Variants in JARID2 observed in about 807,000 individuals in gnomAD.
JARID2 encodes the protein protein Jumonji.
In JARID2, 21 loss-of-function variants were observed where a neutral mutation model predicts 125.6. That is an observed-to-expected ratio of 0.17 (90% confidence interval 0.12 to 0.24). The LOEUF (loss-of-function observed/expected upper bound fraction) is 0.24. Among genes scored for constraint, JARID2 ranks in the 10% least tolerant of loss-of-function variants. JARID2 has a pLI of 1.00. For missense variants in JARID2, 1,303 were observed against 1,639.6 expected (o/e 0.79, Z 3.55); for synonymous variants, 736 against 661.6 (o/e 1.11, Z -1.73).
intron 1 of JARID2, among the ~76,000 whole-genome samples, chr6:15,314,464 TAAACGGC>T (rs1762115434): frequency 6.6e-6 from 1 of 152,228 alleles, no homozygotes; most frequent in African/African-American, 2.4e-5. Flanking sequence ...GAATAATAAG[TAAACGGC>T]ATTTTGAAAG....
At chr6:15,277,791 AAAAC>A (rs1477458647) in intron 1 of JARID2, among the ~76,000 whole-genome samples, 102 of 144,746 alleles carry the variant, frequency 7.0e-4, no homozygotes, top group South Asian at 1.6e-3. Flanking sequence ...AAAAAAAAAA[AAAAC>A]AGTCAAGGAT....
intron 1 of JARID2, among the ~76,000 whole-genome samples, chr6:15,283,110 C>T (rs1391881538): frequency 3.3e-5 from 5 of 151,746 alleles, no homozygotes; most frequent in Non-Finnish European, 5.9e-5. Flanking sequence ...TCCCGAGTAG[C>T]TGGGACTACA....
intron 16 of JARID2, among the ~76,000 whole-genome samples, chr6:15,515,963 A>G (rs544290519): frequency 6.7e-6 from 1 of 149,660 alleles, no homozygotes; most frequent in East Asian, 2.0e-4. Flanking sequence ...AGATCGCGCC[A>G]TCGCCCAGGT....
At chr6:15,476,342 C>T (rs543908875) in intron 5 of JARID2, among the ~76,000 whole-genome samples, 19 of 152,240 alleles carry the variant, frequency 1.2e-4, no homozygotes, top group South Asian at 1.0e-3. Context: ...GTCATGGAGC[C>T]GGGACCTCTG....
Position 15,320,852 on chromosome 6 carries a change from C to CTGTGTGTGTGTGTGTG in JARID2, c.46-53249_46-53234dup, listed in dbSNP as rs71944757. Among the ~76,000 whole-genome samples the CTGTGTGTGTGTGTGTG allele has an allele frequency of 2.0e-3, 290 of 145,404 alleles. 1 individual carries two copies. Among genetic ancestry groups the CTGTGTGTGTGTGTGTG allele is most frequent in the African/African-American group, 5.5e-3 (218 of 39,334 alleles). On this transcript the variant is annotated intron_variant, in intron 1 of 17. Transcript: ENST00000341776. Reference sequence around the variant, plus strand: ...AATATGATTCATTCTCTCTCTCTCTCTGTGTGTGTGTGTGTGTGTGTGTGT... The same window carrying CTGTGTGTGTGTGTGTG: ...AATATGATTCATTCTCTCTCTCTCTCTGTGTGTGTGTGTGTGTGTGTGTGTGTGTGTGTGTGTGTGT...
chr6:15,265,924 A>G (rs1760067147), intron 1 of JARID2, among the ~76,000 whole-genome samples: 1 of 152,064 alleles, frequency 6.6e-6, no homozygotes, highest in African/African-American at 2.4e-5. Flanking sequence ...CTGGTCTGTT[A>G]CGGTTTTGAA....
intron 6 of JARID2, among the ~76,000 whole-genome samples, chr6:15,490,561 T>G (rs1353152783): frequency 6.6e-6 from 1 of 152,246 alleles, no homozygotes; most frequent in Non-Finnish European, 1.5e-5. Context: ...GGCCGTTTAC[T>G]CTCGATTATA....
intron 3 of JARID2, among the ~76,000 whole-genome samples, chr6:15,419,881 T>C (rs1350016449): frequency 6.6e-6 from 1 of 152,230 alleles, no homozygotes; most frequent in East Asian, 1.9e-4. Context: ...TTGAGTGTAT[T>C]AGGTTTGTAG....
At chr6:15,364,375 A>G (rs1478632109) in intron 1 of JARID2, among the ~76,000 whole-genome samples, 1 of 152,220 alleles carries the variant, frequency 6.6e-6, no homozygotes, top group Non-Finnish European at 1.5e-5. Context: ...TCTGGCCTCA[A>G]TCCCGGAGGC....
At chr6:15,508,261 A>G in intron 11 of JARID2, 79 bp from the exon 12 acceptor site, 2 of 760,396 alleles carry the variant, frequency 2.6e-6, no homozygotes, top group Non-Finnish European at 4.8e-6. Context: ...TAGCGGAAGA[A>G]AGAGATTTTT....
At chr6:15,349,718 A>T (rs557044102) in intron 1 of JARID2, among the ~76,000 whole-genome samples, 3 of 152,260 alleles carry the variant, frequency 2.0e-5, no homozygotes, top group Non-Finnish European at 4.4e-5. Flanking sequence ...ACCACCCCTT[A>T]CGCTAGTGCT....
At position 15,496,749 on chromosome 6, in the gene JARID2, G is replaced by A. The variant is rs372588522; in HGVS notation, c.1524G>A (p.Thr508=). ...RPKRATAGKS[T]PGRQAHGKAD... is the part of the protein sequence containing the mutation. The stretch of plus-strand genomic sequence containing the variant: ...AGCGGGCCACGGCCGGGAAGAGCAC[G>A]CCAGGCAGACAAGCACATGGCAAGG... The change falls in exon 7 of 18, where the codon ACG becomes ACA. Residue 508 remains threonine, a synonymous_variant. Coordinates refer to ENST00000341776, the MANE Select transcript of JARID2 (RefSeq NM_004973.4). 30 of 1,613,522 alleles carry A rather than the reference G, an allele frequency of 1.9e-5. No individual in the cohort carries two copies. In the Middle Eastern group the frequency reaches 4.9e-4, roughly 27 times the overall value.
chr6:15,416,151 C>T (rs1281555682), intron 3 of JARID2, among the ~76,000 whole-genome samples: 3 of 151,712 alleles, frequency 2.0e-5, no homozygotes, highest in South Asian at 2.1e-4. Context: ...AGAGGCGCTC[C>T]TCACTTCCTA....
chr6:15,284,275 T>C (rs1760908091), intron 1 of JARID2, among the ~76,000 whole-genome samples: 1 of 152,232 alleles, frequency 6.6e-6, no homozygotes, highest in South Asian at 2.1e-4. Flanking sequence ...TGATTTCTTC[T>C]TTCAGCCACA....
At chr6:15,507,668 T>G (rs1443631722) in intron 11 of JARID2, among the ~76,000 whole-genome samples, 2 of 152,188 alleles carry the variant, frequency 1.3e-5, no homozygotes, top group Admixed American at 1.3e-4. Context: ...GGGCCAACTT[T>G]GAACCTTGAA....
chr6:15,396,739 C>T (rs1008887234), intron 2 of JARID2, among the ~76,000 whole-genome samples: 1 of 152,174 alleles, frequency 6.6e-6, no homozygotes, highest in Non-Finnish European at 1.5e-5. Context: ...TTAATATTCT[C>T]AGACCTTGGT....
chr6:15,493,463 T>A (rs1009717357), intron 6 of JARID2, among the ~76,000 whole-genome samples: 1 of 152,200 alleles, frequency 6.6e-6, no homozygotes, highest in Non-Finnish European at 1.5e-5. Context: ...TTTGCCATTT[T>A]GATTAGCGAT....
intron 1 of JARID2, among the ~76,000 whole-genome samples, chr6:15,270,375 A>G (rs191189169): frequency 1.3e-5 from 2 of 151,696 alleles, no homozygotes; most frequent in Admixed American, 6.6e-5. Flanking sequence ...CAGGTGATCC[A>G]CCCGCCTTGG....
At chr6:15,465,429 C>G (rs578107030) in intron 4 of JARID2, among the ~76,000 whole-genome samples, 1 of 152,166 alleles carries the variant, frequency 6.6e-6, no homozygotes, top group African/African-American at 2.4e-5. Context: ...CCAGCCTGGG[C>G]GACAGAGTGA....
Sources: allele counts gnomAD v4.1 joint callset (sites outside exome capture counted in the v4.1 genomes callset), GRCh38; gene constraint gnomAD v4.1.1; transcripts MANE v1.5; gene names NCBI Gene and HGNC (gene_info 2026-07-23, HGNC 2026-07-21).